The following CEP89 variants were observed in gnomAD, a reference collection of about 807,000 sequenced individuals.
CEP89 encodes centrosomal protein of 89 kDa.
Under a neutral mutation model 97.6 loss-of-function variants are expected in CEP89, and 95 were observed. That is an observed-to-expected ratio of 0.97 (90% CI 0.82 to 1.15). CEP89 has a LOEUF of 1.15. Ranked by LOEUF, CEP89 falls within the 50% of genes most tolerant of loss-of-function variation. CEP89 has a pLI of 0.00. For synonymous variants in CEP89, 354 were observed against 349.1 expected (o/e 1.01, Z -0.16); for missense variants, 869 against 947.7 (o/e 0.92, Z 1.09).
rs745524033 is a variant in CEP89 at position 32,901,322 on chromosome 19, C to T, written c.1656G>A (p.Leu552=). 1.1e-5 allele frequency: 17 copies of T among 1,614,096 alleles called. No homozygotes were observed. Among genetic ancestry groups the T allele is most frequent in the Non-Finnish European group, 1.3e-5 (15 of 1,180,030 alleles). The change falls in exon 15 of 19, where the codon CTG becomes CTA. Residue 552 remains leucine (L), a synonymous_variant. Transcript: ENST00000305768. ...LTVLQAQKKS[L]LLEKNSLTEQ... is the part of the protein sequence containing the mutation. ...CTGTCAAACTGTTCTTCTCTAACAG[C>T]AGGCTCTTCTTCTGCGCTTGCAGGA...
At chr19:32,899,752 G>T in intron 16 of CEP89, 105 bp downstream of exon 16, 1 of 1,108,490 alleles carries the variant, frequency 9.0e-7, no homozygotes, top group Non-Finnish European at 1.3e-6. Flanking sequence ...GTAAGTCAGG[G>T]AATGCCTGGA....
chr19:32,916,865 G>A (rs536310484), intron 13 of CEP89, among the ~76,000 whole-genome samples: 8 of 152,150 alleles, frequency 5.3e-5, no homozygotes, highest in Non-Finnish European at 2.9e-5. Context: ...AAAATTAGCC[G>A]GGAGTGGTGG....
chr19:32,946,712 T>C (rs940194243), intron 5 of CEP89, among the ~76,000 whole-genome samples: 5 of 152,128 alleles, frequency 3.3e-5, no homozygotes, highest in Non-Finnish European at 7.3e-5. Context: ...TCATGAAATC[T>C]GATGGTTTTA....
At chr19:32,954,063 T>C (rs958842853) in intron 3 of CEP89, among the ~76,000 whole-genome samples, 4 of 151,828 alleles carry the variant, frequency 2.6e-5, no homozygotes, top group Non-Finnish European at 5.9e-5. Flanking sequence ...TTAGTACAGA[T>C]GGGGTTTCAC....
chr19:32,922,600 C>A (rs1483102357), intron 12 of CEP89, among the ~76,000 whole-genome samples: 1 of 152,078 alleles, frequency 6.6e-6, no homozygotes, highest in Non-Finnish European at 1.5e-5. Flanking sequence ...ATAATCCCAG[C>A]ACTTTGGGAG....
chr19:32,929,172 G>C (rs894591249), intron 9 of CEP89, among the ~76,000 whole-genome samples: 3 of 152,140 alleles, frequency 2.0e-5, no homozygotes, highest in African/African-American at 7.2e-5. Context: ...CGCAACCCTT[G>C]TTTTCAAGGA....
intron 18 of CEP89, 112 bp downstream of exon 18, chr19:32,881,732 G>T: frequency 9.5e-7 from 1 of 1,049,412 alleles, no homozygotes; most frequent in Non-Finnish European, 1.3e-6. Flanking sequence ...GTAAAATGTA[G>T]AAACAAAATT....
chr19:32,951,566 C>CACAA (rs1555794438), intron 4 of CEP89, among the ~76,000 whole-genome samples: 20 of 150,590 alleles, frequency 1.3e-4, no homozygotes, highest in Non-Finnish European at 2.4e-4. Flanking sequence ...CACACACACA[C>CACAA]GCACACTACT....
At chr19:32,898,403 G>C (rs371720950) in intron 16 of CEP89, among the ~76,000 whole-genome samples, 101 of 152,248 alleles carry the variant, frequency 6.6e-4, no homozygotes, top group African/African-American at 2.4e-3. Context: ...GTGTGTTTGT[G>C]GGGGGCTGGG....
At chr19:32,937,338 C>T (rs1236030861) in intron 7 of CEP89, among the ~76,000 whole-genome samples, 2 of 151,674 alleles carry the variant, frequency 1.3e-5, no homozygotes, top group Non-Finnish European at 2.9e-5. Flanking sequence ...CCTCCTTCCA[C>T]CCCCAGGATC....
intron 2 of CEP89, among the ~76,000 whole-genome samples, chr19:32,962,080 T>G (rs1014394159): frequency 1.3e-5 from 2 of 151,734 alleles, no homozygotes; most frequent in Non-Finnish European, 2.9e-5. Context: ...GATCTATACC[T>G]TACACACTGA....
chr19:32,897,922 A>G (rs1034519473), intron 16 of CEP89, among the ~76,000 whole-genome samples: 11 of 152,134 alleles, frequency 7.2e-5, no homozygotes, highest in African/African-American at 2.7e-4. Context: ...ACTTTCATAC[A>G]CTGTTGGTGG....
intron 16 of CEP89, among the ~76,000 whole-genome samples, chr19:32,888,873 G>A (rs780979813): frequency 6.0e-5 from 9 of 151,046 alleles, no homozygotes; most frequent in Non-Finnish European, 1.3e-4. Context: ...GCAGTGGTGC[G>A]ATCTCAGCTC....
chr19:32,907,839 G>A (rs1011556843), intron 14 of CEP89, among the ~76,000 whole-genome samples: 2 of 152,100 alleles, frequency 1.3e-5, no homozygotes. Context: ...CACCTGCCTC[G>A]GCCTCCCAAA....
At chr19:32,910,067 C>G (rs1485374335) in intron 14 of CEP89, among the ~76,000 whole-genome samples, 2 of 152,150 alleles carry the variant, frequency 1.3e-5, no homozygotes, top group East Asian at 1.9e-4. Flanking sequence ...TCAAGACCAG[C>G]CTGGCCAACA....
chr19:32,970,598 G>A (rs973388987), intron 1 of CEP89: 3 of 152,214 alleles, frequency 2.0e-5, no homozygotes, highest in Admixed American at 1.3e-4. Flanking sequence ...TCGGGTTTAA[G>A]CGATTATCCC....
Position 32,933,479 on chromosome 19 carries a change from T to C in CEP89, c.858A>G (p.Lys286=), listed in dbSNP as rs752495744. The C allele has an allele frequency of 1.9e-6, 3 of 1,614,128 alleles. No individual in the cohort carries two copies. The East Asian group carries it at 6.7e-5, about 36-fold the overall frequency. The stretch of plus-strand genomic sequence containing the variant: ...CCTGTGACGACGCCTTCTCAGCCTC[T>C]TTGAGCTTTCTCTTCTCTTTTTCCA... ...KGMEKEKRKL[K]EAEKASSQEV... Residue 286 remains lysine (K), a synonymous_variant, in exon 8 of 19, where the codon AAA becomes AAG. Coordinates refer to ENST00000305768, the MANE Select transcript of CEP89 (RefSeq NM_032816.5).
At chr19:32,905,050 T>C (rs762420738) in intron 14 of CEP89, among the ~76,000 whole-genome samples, 1 of 152,266 alleles carries the variant, frequency 6.6e-6, no homozygotes, top group Non-Finnish European at 1.5e-5. Context: ...ATGACACTAT[T>C]GTTTTCCCTT....
chr19:32,879,797 C>G (rs1969242080), intron 18 of CEP89, among the ~76,000 whole-genome samples: 1 of 152,236 alleles, frequency 6.6e-6, no homozygotes, highest in South Asian at 2.1e-4. Flanking sequence ...GGCCTGGCCA[C>G]AGGCACCCAC....
Sources: allele counts gnomAD v4.1 joint callset (sites outside exome capture counted in the v4.1 genomes callset), GRCh38; gene constraint gnomAD v4.1.1; transcripts MANE v1.5; gene names NCBI Gene and HGNC (gene_info 2026-07-23, HGNC 2026-07-21).